The following SLX9 variants were observed in gnomAD, a reference collection of about 807,000 sequenced individuals.
SLX9 encodes the protein ribosome biogenesis protein SLX9 homolog.
SLX9 carries 19 observed loss-of-function variants against 20.8 expected under a neutral mutation model. That is an observed-to-expected ratio of 0.91 (90% CI 0.64 to 1.34). The LOEUF (loss-of-function observed/expected upper bound fraction) is 1.34, where lower values mean the gene tolerates loss of function less well. SLX9 is among the 40% of genes most tolerant of loss of function. SLX9 has a pLI of 0.00. For missense variants in SLX9, 299 were observed against 322.2 expected (o/e 0.93, Z 0.55); for synonymous variants, 113 against 137.1 (o/e 0.82, Z 1.23).
At chr21:44,957,009 A>G (rs115467832) in intron 2 of SLX9, among the ~76,000 whole-genome samples, 268 of 152,340 alleles carry the variant, frequency 1.8e-3, no homozygotes, top group African/African-American at 6.3e-3. Flanking sequence ...GCAGCTCCAG[A>G]GCACGGGCCC....
intron 3 of SLX9, among the ~76,000 whole-genome samples, chr21:44,966,410 C>A (rs1006883372): frequency 6.6e-6 from 1 of 152,214 alleles, no homozygotes; most frequent in Non-Finnish European, 1.5e-5. Flanking sequence ...GAGCCACGTG[C>A]AGTGAGCAGC....
At chr21:44,961,416 A>C (rs541525015) in intron 3 of SLX9, among the ~76,000 whole-genome samples, 1 of 152,306 alleles carries the variant, frequency 6.6e-6, no homozygotes, top group South Asian at 2.1e-4. Context: ...TTGTCTCTAC[A>C]AAAAATGTAA....
intron 2 of SLX9, among the ~76,000 whole-genome samples, chr21:44,946,975 G>A (rs1165616025): frequency 1.3e-5 from 2 of 152,184 alleles, no homozygotes; most frequent in African/African-American, 2.4e-5. Flanking sequence ...CCCCACAGGC[G>A]GAGGGGCTTG....
chr21:44,956,994 G>A (rs2084869368), intron 2 of SLX9, among the ~76,000 whole-genome samples: 1 of 152,240 alleles, frequency 6.6e-6, no homozygotes, highest in Non-Finnish European at 1.5e-5. Context: ...AGTGTACCTG[G>A]AATTGCAGCT....
Position 44,967,153 on chromosome 21 carries a change from G to C in SLX9, c.472G>C (p.Glu158Gln). ...RDALPELLGL[E>Q]AGSRRQARSR... ...TGCCCTGCCCGAGCTGCTGGGGCTC[G>C]AGGCTGGCAGCCGGCGCCAAGCCCG... Residue 158 changes from glutamate to glutamine, a missense_variant, in exon 4 of 6, where the codon GAG becomes CAG. Transcript: ENST00000291634. 1.1e-5 allele frequency: 17 copies of C among 1,595,766 alleles called. No homozygotes were observed. Among genetic ancestry groups the C allele is most frequent in the Non-Finnish European group, 1.4e-5 (16 of 1,171,766 alleles).
chr21:44,960,212 C>G (rs757911012), intron 3 of SLX9, 44 bp downstream of exon 3: 2 of 1,568,078 alleles, frequency 1.3e-6, no homozygotes, highest in Non-Finnish European at 1.8e-6. Flanking sequence ...GGCCCAAGTC[C>G]CATCCCGTGG....
At chr21:44,971,429 C>T (rs1269854522) in intron 4 of SLX9, among the ~76,000 whole-genome samples, 2 of 152,238 alleles carry the variant, frequency 1.3e-5, no homozygotes, top group East Asian at 1.9e-4. Context: ...GGGTGTGGGA[C>T]GCGTGGGTGG....
chr21:44,951,122 G>A lies in SLX9; in HGVS notation c.283+7285G>A, dbSNP rs373533868. On this transcript the variant is annotated intron_variant, in intron 2 of 5. Coordinates refer to ENST00000291634, the MANE Select transcript of SLX9 (RefSeq NM_058190.4). The stretch of plus-strand genomic sequence containing the variant: ...ACACACAGCAGCAGCAGAACACACA[G>A]GAGAAGATTCCTCTGGGCTTGGCCA... Among the ~76,000 whole-genome samples the A allele has an allele frequency of 1.6e-4, 24 of 152,264 alleles. No individual in the cohort carries two copies. In the East Asian group the frequency reaches 4.6e-3, roughly 29 times the overall value.
chr21:44,942,568 G>GT (rs2084568519), intron 1 of SLX9, among the ~76,000 whole-genome samples: 1 of 152,176 alleles, frequency 6.6e-6, no homozygotes, highest in Non-Finnish European at 1.5e-5. Flanking sequence ...AGGAGGCCAT[G>GT]TTTTACCTCT....
intron 4 of SLX9, among the ~76,000 whole-genome samples, chr21:44,969,491 C>G (rs2085103949): frequency 6.6e-6 from 1 of 152,200 alleles, no homozygotes; most frequent in Non-Finnish European, 1.5e-5. Flanking sequence ...CTGCTCTCAG[C>G]CCTGAGAGCC....
intron 4 of SLX9, among the ~76,000 whole-genome samples, chr21:44,971,355 G>T (rs532682409): frequency 4.4e-4 from 62 of 140,990 alleles, no homozygotes; most frequent in Non-Finnish European, 6.3e-4. Context: ...CCAGCACTCT[G>T]TCCCCGGGGC....
intron 3 of SLX9, among the ~76,000 whole-genome samples, chr21:44,964,957 C>T (rs566047241): frequency 6.6e-6 from 1 of 152,214 alleles, no homozygotes; most frequent in African/African-American, 2.4e-5. Flanking sequence ...ACGTGTCATG[C>T]TCACACTTTG....
chr21:44,955,016 C>G (rs1367538204), intron 2 of SLX9, among the ~76,000 whole-genome samples: 1 of 151,984 alleles, frequency 6.6e-6, no homozygotes, highest in Admixed American at 6.6e-5. Flanking sequence ...GAGTTTGAGA[C>G]CAGGCTGGCC....
Position 44,976,753 on chromosome 21 carries a change from G to A in SLX9, c.643G>A (p.Gly215Arg), listed in dbSNP as rs530411342. Residue 215 changes from glycine (G) to arginine (R), a missense_variant, in exon 6 of 6, where the codon GGG becomes AGG. Gly to Arg is a moderately radical substitution (Grantham distance 125, BLOSUM62 -2). Coordinates refer to ENST00000291634, the MANE Select transcript of SLX9 (RefSeq NM_058190.4). ...AYRASPLVAI[G>R]QTLARQMQLE... ...CAGAGCCAGCCCCCTGGTGGCCATC[G>A]GGCAGACGCTGGCCCGGCAGATGCA... 53 of 1,559,078 alleles carry A rather than the reference G, an allele frequency of 3.4e-5. No individual in the cohort carries two copies. Among genetic ancestry groups the A allele is most frequent in the African/African-American group, 4.1e-5 (3 of 73,584 alleles).
At chr21:44,966,959 C>T (rs376710872) in intron 3 of SLX9, 75 bp from the exon 4 acceptor site, 251 of 1,542,584 alleles carry the variant, frequency 1.6e-4, no homozygotes, top group Admixed American at 3.5e-4. Flanking sequence ...CCAGGTCTCT[C>T]GTGGGCCAGA....
At chr21:44,974,252 G>GT (rs11414369) in intron 5 of SLX9, among the ~76,000 whole-genome samples, 96,364 of 151,882 alleles carry the variant, frequency 0.63, 32,168 homozygotes, top group South Asian at 0.88. Context: ...TTTTGTGTCA[G>GT]TTCTACCGAG....
rs1293920555 is a variant in SLX9 at position 44,940,133 on chromosome 21, C to T, written c.76C>T (p.Pro26Ser). Residue 26 changes from proline to serine, a missense_variant, in exon 1 of 6, where the codon CCC becomes TCC. Physicochemically the swap from Pro to Ser is moderately conservative, Grantham distance 74. Coordinates refer to ENST00000291634, the MANE Select transcript of SLX9 (RefSeq NM_058190.4). ...GCCGAAAGGGGAGGCCGCCCCCGGC[C>T]CCGCGCCCCCTGCCCCGGAGGCGAC... ...VRPKGEAAPG[P>S]APPAPEATPP... 4 of 1,353,442 alleles carry T rather than the reference C, an allele frequency of 3.0e-6. No homozygotes were observed. Among genetic ancestry groups the T allele is most frequent in the East Asian group, 3.1e-5 (1 of 32,126 alleles). 83.8% of individuals were successfully genotyped at this position (1,353,442 alleles called of 1,614,324 possible). A position where few individuals can be genotyped will look rare whatever the true frequency, so the allele number is the denominator to read the frequency against.
intron 3 of SLX9, among the ~76,000 whole-genome samples, chr21:44,965,967 C>T (rs9980007): frequency 0.012 from 1,831 of 152,244 alleles, 38 homozygotes; most frequent in African/African-American, 0.041. Flanking sequence ...TATAAACCCC[C>T]GTGATTCCCA....
At chr21:44,970,523 G>T (rs1370915390) in intron 4 of SLX9, among the ~76,000 whole-genome samples, 1 of 152,232 alleles carries the variant, frequency 6.6e-6, no homozygotes, top group Non-Finnish European at 1.5e-5. Flanking sequence ...TGCAGGAGGT[G>T]TGAGACCCTG....
Sources: allele counts gnomAD v4.1 joint callset (sites outside exome capture counted in the v4.1 genomes callset), GRCh38; gene constraint gnomAD v4.1.1; transcripts MANE v1.5; gene names NCBI Gene and HGNC (gene_info 2026-07-23, HGNC 2026-07-21).